MYO18B: variants seen among roughly 807,000 people sequenced by gnomAD.
MYO18B encodes the protein unconventional myosin-XVIIIb.
A neutral mutation model predicts 273.0 loss-of-function variants in MYO18B; 204 were observed. The ratio of observed to expected loss-of-function variants is 0.75; its 90% CI spans 0.67 to 0.84. The LOEUF (loss-of-function observed/expected upper bound fraction) is 0.84. MYO18B is among the 40% of genes least tolerant of loss of function. MYO18B has a pLI of 0.00. For missense variants in MYO18B, 3,212 were observed against 3,287.6 expected (o/e 0.98, Z 0.56); for synonymous variants, 1,330 against 1,305.7 (o/e 1.02, Z -0.40).
chr22:25,775,810 T>G (rs1312678999), intron 7 of MYO18B, among the ~76,000 whole-genome samples: 1 of 152,034 alleles, frequency 6.6e-6, no homozygotes, highest in Non-Finnish European at 1.5e-5. Context: ...TCCCGTTCAC[T>G]GTAATTGAAT....
chr22:25,844,580 A>G (rs2090180446), intron 18 of MYO18B, among the ~76,000 whole-genome samples: 1 of 152,210 alleles, frequency 6.6e-6, no homozygotes, highest in Admixed American at 6.5e-5. Context: ...ATCACAACAC[A>G]AGATCCTTAG....
At chr22:25,793,792 A>C (rs1569028046) in intron 11 of MYO18B, among the ~76,000 whole-genome samples, 1 of 152,210 alleles carries the variant, frequency 6.6e-6, no homozygotes, top group Non-Finnish European at 1.5e-5. Flanking sequence ...TTGAGACTTT[A>C]CCTCAGACAA....
rs532365011 is a variant in MYO18B, at chr22:25,803,720, C to T, written c.2521+5623C>T. ...AAAATGGGGACAGCTATGATACCTT[C>T]TCTATAGGGTGAGGAGTGATGAAAC... On this transcript the variant is annotated intron_variant, in intron 12 of 43. Transcript: ENST00000335473. Among the ~76,000 whole-genome samples the T allele has an allele frequency of 3.3e-5, 5 of 152,216 alleles. No individual in the cohort carries two copies. The South Asian group carries it at 6.2e-4, about 19-fold the overall frequency.
intron 1 of MYO18B, among the ~76,000 whole-genome samples, chr22:25,760,732 A>G (rs1057324709): frequency 6.6e-6 from 1 of 152,230 alleles, no homozygotes; most frequent in African/African-American, 2.4e-5. Context: ...GCTGTACCTT[A>G]TGATATATTT....
the MYO18B span, among the ~76,000 whole-genome samples, chr22:26,055,715 A>C: frequency 6.6e-6 from 1 of 152,254 alleles, no homozygotes; most frequent in Middle Eastern, 3.2e-3. Context: ...TCCTTCTGGA[A>C]ACCTTGTGCC....
chr22:26,027,199 C>A lies in MYO18B; in HGVS notation c.7225C>A (p.Arg2409Ser), dbSNP rs763160003. 8.7e-6 allele frequency: 14 copies of A among 1,613,838 alleles called. No individual in the cohort carries two copies. The Admixed American group carries it at 1.3e-4, about 15-fold the overall frequency. ...AAAGGAGCCGCTTGTTTTCCAGAAC[C>A]GCCAGTTTGCCCACCTGATGGAGGA... Reference protein sequence around the residue: ...LGKEPLVFQNRQFAHLMEEPL... With the variant: ...LGKEPLVFQNSQFAHLMEEPL... Residue 2409 changes from arginine to serine, a missense_variant, in exon 43 of 44, where the codon CGC (arginine) becomes AGC (serine). Arg to Ser is a moderately radical substitution (Grantham distance 110). Transcript: ENST00000335473. This position sits in a 1 kb window ranked among gnomAD's most constrained non-coding sequence, Gnocchi z 4.1.
chr22:25,931,681 C>CTTT (rs71311530), intron 34 of MYO18B, among the ~76,000 whole-genome samples: 19 of 123,520 alleles, frequency 1.5e-4, no homozygotes, highest in African/African-American at 1.9e-4. Flanking sequence ...TTTCTTTTTT[C>CTTT]TTTTTTTTTT....
intron 42 of MYO18B, among the ~76,000 whole-genome samples, chr22:26,018,011 G>C (rs1368807105): frequency 2.9e-5 from 4 of 137,592 alleles, no homozygotes; most frequent in Non-Finnish European, 6.1e-5. Flanking sequence ...GGGGTGTAGA[G>C]TTCCAGGGGT....
intron 21 of MYO18B, among the ~76,000 whole-genome samples, chr22:25,853,380 GC>G (rs1459769024): frequency 2.0e-5 from 3 of 152,190 alleles, no homozygotes; most frequent in African/African-American, 7.2e-5. Flanking sequence ...AGTAGACAAG[GC>G]AATGCCTTCT....
In MYO18B at chr22:25,955,227, C is replaced by T. The variant is rs371678116; in HGVS notation, c.6019C>T (p.Leu2007Phe). 6.2e-7 allele frequency: 1 copy of T among 1,613,282 alleles called. No homozygotes were observed. The highest frequency in any genetic ancestry group is 2.2e-5 in the East Asian group (1 of 44,862). The change falls in exon 39 of 44, where the codon CTT becomes TTT. Residue 2007 changes from leucine (L) to phenylalanine (F), a missense_variant. Coordinates refer to ENST00000335473, the MANE Select transcript of MYO18B (RefSeq NM_032608.7). Reference protein sequence around the residue: ...RDSLIKMGEELSQAATSESQQ... With the variant: ...RDSLIKMGEEFSQAATSESQQ... ...CAGCCTGATCAAGATGGGGGAGGAG[C>T]TTTCACAGGCGGCCACCTCCGAGTC... is the stretch of plus-strand genomic sequence containing the variant.
intron 34 of MYO18B, among the ~76,000 whole-genome samples, chr22:25,936,272 A>T (rs1278899827): frequency 6.6e-6 from 1 of 152,204 alleles, no homozygotes; most frequent in East Asian, 1.9e-4. Context: ...CCAGAGAGGA[A>T]GTCAGGATAG....
intron 1 of MYO18B, among the ~76,000 whole-genome samples, chr22:25,742,740 C>A (rs781384877): frequency 8.5e-5 from 13 of 152,142 alleles, no homozygotes; most frequent in South Asian, 6.2e-4. Flanking sequence ...GTTAACAACG[C>A]TGTTGAGTCG....
chr22:25,962,724 G>C (rs926381015), intron 39 of MYO18B, among the ~76,000 whole-genome samples: 1 of 152,190 alleles, frequency 6.6e-6, no homozygotes, highest in Non-Finnish European at 1.5e-5. Flanking sequence ...GAGATTGTAT[G>C]GAAGATGCAT....
chr22:25,761,651 A>G (rs1055607987), intron 2 of MYO18B, among the ~76,000 whole-genome samples: 1 of 152,104 alleles, frequency 6.6e-6, no homozygotes, highest in Non-Finnish European at 1.5e-5. Flanking sequence ...GCCTCTTTCT[A>G]AGATGCCTGT....
chr22:25,912,591 GC>G (rs980504364), intron 33 of MYO18B, among the ~76,000 whole-genome samples: 6 of 152,068 alleles, frequency 3.9e-5, no homozygotes, highest in African/African-American at 1.4e-4. Context: ...TATGACCTTT[GC>G]CAAACCCATG....
At position 25,921,317 on chromosome 22, in the gene MYO18B, G is replaced by A. The variant is rs2092337907; in HGVS notation, c.5425G>A (p.Ala1809Thr). 2 of 1,568,508 alleles carry A rather than the reference G, an allele frequency of 1.3e-6. No individual in the cohort carries two copies. The highest frequency in any genetic ancestry group is 1.7e-6 in the Non-Finnish European group (2 of 1,156,500). The stretch of plus-strand genomic sequence containing the variant: ...TCGGAGAGACCTCAGGAGGACACAT[G>A]CACTGTTGTCAGACGTGCAGCTCCT... Reference protein sequence around the residue: ...RLRRDLRRTHALLSDVQLLLG... With the variant: ...RLRRDLRRTHTLLSDVQLLLG... The change falls in exon 34 of 44, where the codon GCA (alanine) becomes ACA (threonine). Residue 1809 changes from alanine to threonine, a missense_variant. Physicochemically the swap from Ala to Thr is moderately conservative, Grantham distance 58. Transcript: ENST00000335473.
intron 34 of MYO18B, among the ~76,000 whole-genome samples, chr22:25,924,599 A>C (rs1208881985): frequency 1.3e-5 from 2 of 152,182 alleles, no homozygotes; most frequent in Non-Finnish European, 2.9e-5. Context: ...CAGCTAAAAT[A>C]CCCTGGGAGA....
chr22:25,798,407 G>T (rs995971157), intron 12 of MYO18B, among the ~76,000 whole-genome samples: 2 of 152,116 alleles, frequency 1.3e-5, no homozygotes, highest in African/African-American at 4.8e-5. Flanking sequence ...TGCGACTGAG[G>T]AATTGAATTT....
intron 33 of MYO18B, among the ~76,000 whole-genome samples, chr22:25,912,826 A>G (rs1251477070): frequency 1.3e-5 from 2 of 152,104 alleles, no homozygotes; most frequent in Non-Finnish European, 2.9e-5. Flanking sequence ...TTTGAGGTGT[A>G]TAATTCCCCT....
Sources: gnomAD v4.1 joint callset for allele counts (sites outside exome capture counted in the v4.1 genomes callset) on GRCh38, gnomAD v4.1.1 for gene constraint, Gnocchi (gnomAD v3.1) non-coding constraint, MANE v1.5 for transcripts, NCBI Gene and HGNC (gene_info 2026-07-23, HGNC 2026-07-21) for gene names.